Variants in SLC15A5 observed in about 807,000 individuals in gnomAD.
SLC15A5 encodes solute carrier family 15 member 5.
Under a neutral mutation model 56.1 loss-of-function variants are expected in SLC15A5, and 58 were observed. That is an observed-to-expected ratio of 1.03 (90% CI 0.84 to 1.29). SLC15A5 has a LOEUF of 1.29. Among genes scored for constraint, SLC15A5 ranks in the 50% most tolerant of loss-of-function variants. The pLI, the probability that SLC15A5 is intolerant of heterozygous loss-of-function variation, is 0.00. For missense variants in SLC15A5, 681 were observed against 672.1 expected (o/e 1.01, Z -0.15); for synonymous variants, 264 against 250.5 (o/e 1.05, Z -0.51).
intron 5 of SLC15A5, among the ~76,000 whole-genome samples, chr12:16,234,861 T>A (rs1263166722): frequency 6.6e-6 from 1 of 152,120 alleles, no homozygotes; most frequent in Non-Finnish European, 1.5e-5. Flanking sequence ...ATTCTTTAGG[T>A]ATTGGTATAA....
intron 7 of SLC15A5, among the ~76,000 whole-genome samples, chr12:16,205,556 A>ATG (rs1864007972): frequency 5.9e-4 from 1 of 1,688 alleles, no homozygotes; most frequent in African/African-American, 1.1e-3. Flanking sequence ...GTATATATAT[A>ATG]TATTCCATAA....
chr12:16,232,028 G>A (rs1434641643), intron 5 of SLC15A5, among the ~76,000 whole-genome samples: 1 of 152,166 alleles, frequency 6.6e-6, no homozygotes, highest in East Asian at 1.9e-4. Flanking sequence ...ATATCATCCT[G>A]AGTAATACTA....
intron 3 of SLC15A5, among the ~76,000 whole-genome samples, chr12:16,251,120 T>G (rs929324087): frequency 2.0e-5 from 3 of 151,970 alleles, no homozygotes; most frequent in Non-Finnish European, 1.5e-5. Context: ...CAAGGGAATT[T>G]AGAAAATATC....
chr12:16,260,760 T>G (rs1422126678), intron 2 of SLC15A5, among the ~76,000 whole-genome samples: 2 of 46,270 alleles, frequency 4.3e-5, no homozygotes, highest in Non-Finnish European at 8.9e-5. Context: ...ATTTTCCCGT[T>G]TTTTTTTTTA....
intron 6 of SLC15A5, among the ~76,000 whole-genome samples, chr12:16,222,254 A>G (rs1864194919): frequency 6.6e-6 from 1 of 152,182 alleles, no homozygotes; most frequent in African/African-American, 2.4e-5. Flanking sequence ...AATTTTCCCA[A>G]CGTCACAGAG....
intron 7 of SLC15A5, among the ~76,000 whole-genome samples, chr12:16,212,098 C>T (rs1429851280): frequency 6.6e-6 from 1 of 152,016 alleles, no homozygotes; most frequent in Non-Finnish European, 1.5e-5. Context: ...ATGTAGGGTG[C>T]CTAAATGTAT....
At chr12:16,215,223 A>AC (rs1399396420) in intron 7 of SLC15A5, among the ~76,000 whole-genome samples, 1 of 146,234 alleles carries the variant, frequency 6.8e-6, no homozygotes, top group Non-Finnish European at 1.5e-5. Context: ...AAAAAAAAAA[A>AC]AAAAAACCAA....
intron 2 of SLC15A5, among the ~76,000 whole-genome samples, chr12:16,270,697 G>C (rs2136822812): frequency 6.6e-6 from 1 of 152,280 alleles, no homozygotes; most frequent in East Asian, 1.9e-4. Flanking sequence ...ACTTGCCAAA[G>C]ACCATAAAAC....
chr12:16,268,462 ACTC>A (rs1417439844), intron 2 of SLC15A5, among the ~76,000 whole-genome samples: 2 of 152,094 alleles, frequency 1.3e-5, no homozygotes, highest in Non-Finnish European at 2.9e-5. Context: ...ACAAGCTACT[ACTC>A]CTCAGCATGC....
At chr12:16,261,955 A>C (rs1864647080) in intron 2 of SLC15A5, among the ~76,000 whole-genome samples, 1 of 152,212 alleles carries the variant, frequency 6.6e-6, no homozygotes, top group African/African-American at 2.4e-5. Context: ...TTCTATTAAA[A>C]GTGTCTTTTG....
intron 3 of SLC15A5, among the ~76,000 whole-genome samples, chr12:16,251,320 G>C (rs1439866686): frequency 6.6e-6 from 1 of 151,666 alleles, no homozygotes; most frequent in Non-Finnish European, 1.5e-5. Context: ...TCAGAAGAAA[G>C]AAGGAAATAA....
At chr12:16,199,934 C>G (rs1215373900) in intron 7 of SLC15A5, among the ~76,000 whole-genome samples, 2 of 151,762 alleles carry the variant, frequency 1.3e-5, no homozygotes, top group African/African-American at 4.8e-5. Flanking sequence ...GTTAGAAAAC[C>G]TAAAAATGCT....
intron 3 of SLC15A5, among the ~76,000 whole-genome samples, chr12:16,256,183 G>A (rs1864570078): frequency 6.6e-6 from 1 of 152,128 alleles, no homozygotes; most frequent in African/African-American, 2.4e-5. Flanking sequence ...ATAATTAAAT[G>A]TTTATCTTCT....
At chr12:16,261,518 A>G (rs1479763021) in intron 2 of SLC15A5, among the ~76,000 whole-genome samples, 2 of 152,194 alleles carry the variant, frequency 1.3e-5, no homozygotes, top group Non-Finnish European at 2.9e-5. Flanking sequence ...TGCTATTACA[A>G]ATAACGCTGT....
intron 6 of SLC15A5, among the ~76,000 whole-genome samples, chr12:16,220,851 C>T (rs17367753): frequency 0.2 from 30,687 of 151,936 alleles, 3,504 homozygotes; most frequent in Middle Eastern, 0.25. Context: ...TCTAAAACTT[C>T]GAGAGCAGTA....
rs570697411 is a variant in SLC15A5, at chr12:16,224,973, C to T, written c.1163-371G>A. 8.0e-5 allele frequency among the ~76,000 whole-genome samples: 12 copies of T among 149,148 alleles called. No homozygotes were observed. In the East Asian group the frequency reaches 1.6e-3, roughly 20 times the overall value. ...ATTCCCACCTATGAGTGAGAACATG[C>T]GGTGTTTGGTTTTTTGTCCTTATGA... On this transcript the variant is annotated intron_variant, in intron 5 of 8. Transcript: ENST00000344941.
At chr12:16,249,113 A>T (rs543299685) in intron 3 of SLC15A5, among the ~76,000 whole-genome samples, 1 of 152,132 alleles carries the variant, frequency 6.6e-6, no homozygotes, top group East Asian at 1.9e-4. Flanking sequence ...AAAAGCCTAC[A>T]TTGCACTCTA....
intron 8 of SLC15A5, among the ~76,000 whole-genome samples, chr12:16,193,780 GGAGA>G (rs766458422): frequency 0.016 from 1,181 of 75,676 alleles, 168 homozygotes; most frequent in East Asian, 0.041. Context: ...TATGTCAAGG[GGAGA>G]GAGAGAGAGA....
Position 16,221,633 on chromosome 12 carries a change from G to T in SLC15A5, c.1351+2781C>A, listed in dbSNP as rs575427362. On this transcript the variant is annotated intron_variant, in intron 6 of 8. Coordinates refer to ENST00000344941, the MANE Select transcript of SLC15A5 (RefSeq NM_001170798.1). ...AATAATTTATCTCTAAAACTCTACT[G>T]TGGAATTTCAATCAGGGGAATGATA... Among the ~76,000 whole-genome samples, 44 of 152,276 alleles carry T rather than the reference G, an allele frequency of 2.9e-4. 2 individuals carry two copies. The South Asian group carries it at 9.1e-3, about 32-fold the overall frequency.
Sources: gnomAD v4.1 joint callset for allele counts (sites outside exome capture counted in the v4.1 genomes callset) on GRCh38, gnomAD v4.1.1 for gene constraint, MANE v1.5 for transcripts, NCBI Gene and HGNC (gene_info 2026-07-23, HGNC 2026-07-21) for gene names.